The following VTI1A variants were observed in gnomAD, a reference collection of about 807,000 sequenced individuals.
The protein encoded by VTI1A is vesicle transport through interaction with t-SNAREs homolog 1A.
Under a neutral mutation model 34.9 loss-of-function variants are expected in VTI1A, and 22 were observed. The observed-to-expected ratio is 0.63, with a 90% CI of 0.45 to 0.90. VTI1A has a LOEUF of 0.90. Among genes scored for constraint, VTI1A ranks in the 40% least tolerant of loss-of-function variants. The pLI, the probability that VTI1A is intolerant of heterozygous loss-of-function variation, is 0.00. For missense variants in VTI1A, 268 were observed against 275.6 expected (o/e 0.97, Z 0.20); for synonymous variants, 87 against 97.3 (o/e 0.89, Z 0.62).
At chr10:112,655,140 C>A (rs1308115185) in intron 5 of VTI1A, among the ~76,000 whole-genome samples, 1 of 152,208 alleles carries the variant, frequency 6.6e-6, no homozygotes, top group Non-Finnish European at 1.5e-5. Flanking sequence ...CCCTCCACCC[C>A]CCATACACAC....
chr10:112,548,505 C>A, intron 5 of VTI1A: 1 of 557,448 alleles, frequency 1.8e-6, no homozygotes, highest in Non-Finnish European at 3.2e-6. Flanking sequence ...ATTCATTAAC[C>A]AGTCTTTTAC....
At chr10:112,542,118 A>G (rs1018435978) in intron 5 of VTI1A, among the ~76,000 whole-genome samples, 2 of 152,202 alleles carry the variant, frequency 1.3e-5, no homozygotes, top group Non-Finnish European at 2.9e-5. Context: ...TTCTGAAATG[A>G]TGATTCTTCT....
chr10:112,745,088 A>T (rs995086397), intron 7 of VTI1A, among the ~76,000 whole-genome samples: 3 of 152,222 alleles, frequency 2.0e-5, no homozygotes, highest in Non-Finnish European at 4.4e-5. Context: ...TAACTGATTG[A>T]CACATATGTA....
intron 3 of VTI1A, among the ~76,000 whole-genome samples, chr10:112,508,475 A>G (rs924498979): frequency 6.6e-6 from 1 of 152,090 alleles, no homozygotes; most frequent in Non-Finnish European, 1.5e-5. Flanking sequence ...TTTTTCATCC[A>G]TCTATTCTAT....
At chr10:112,702,877 C>T (rs553777314) in intron 7 of VTI1A, among the ~76,000 whole-genome samples, 5 of 152,282 alleles carry the variant, frequency 3.3e-5, no homozygotes, top group East Asian at 1.9e-4. Flanking sequence ...TGACCCACTG[C>T]GCCTGGCTCT....
At chr10:112,496,191 C>A (rs1249571316) in intron 3 of VTI1A, among the ~76,000 whole-genome samples, 1 of 114,180 alleles carries the variant, frequency 8.8e-6, no homozygotes, top group Non-Finnish European at 1.8e-5. Context: ...GGAGACCCCC[C>A]CCCCCCCCCC....
chr10:112,567,221 G>A (rs1331865129), intron 5 of VTI1A, among the ~76,000 whole-genome samples: 1 of 152,010 alleles, frequency 6.6e-6, no homozygotes, highest in Non-Finnish European at 1.5e-5. Flanking sequence ...GTAGAGACCA[G>A]TTCTCGCCAT....
the VTI1A span, among the ~76,000 whole-genome samples, chr10:112,852,919 C>T: frequency 2.6e-5 from 4 of 152,164 alleles, no homozygotes; most frequent in South Asian, 2.1e-4. Flanking sequence ...AGTGGGACTA[C>T]AGGCACACAC....
At chr10:112,464,403 A>C in intron 2 of VTI1A, 144 bp from the exon 3 acceptor site, 1 of 652,640 alleles carries the variant, frequency 1.5e-6, no homozygotes, top group South Asian at 2.0e-5. Flanking sequence ...AAGTAGTTTC[A>C]GTGTTATTTG....
intron 5 of VTI1A, among the ~76,000 whole-genome samples, chr10:112,626,739 C>T (rs1845938132): frequency 6.6e-6 from 1 of 152,164 alleles, no homozygotes; most frequent in African/African-American, 2.4e-5. Flanking sequence ...GTCCACTGCT[C>T]TTCAGGTACA....
At chr10:112,714,264 C>G (rs1224665051) in intron 7 of VTI1A, among the ~76,000 whole-genome samples, 1 of 152,064 alleles carries the variant, frequency 6.6e-6, no homozygotes, top group Non-Finnish European at 1.5e-5. Context: ...TAAAACAGTC[C>G]ACTGTTTTCC....
chr10:112,619,592 C>G (rs1312532673), intron 5 of VTI1A, among the ~76,000 whole-genome samples: 2 of 152,278 alleles, frequency 1.3e-5, no homozygotes, highest in Admixed American at 1.3e-4. Context: ...ATGTTTATTT[C>G]TTATTTCCAA....
At chr10:112,746,430 T>C (rs1281016551) in intron 7 of VTI1A, among the ~76,000 whole-genome samples, 2 of 152,180 alleles carry the variant, frequency 1.3e-5, no homozygotes, top group Admixed American at 1.3e-4. Context: ...GAAAAAAGCC[T>C]TTCTGTCTGA....
rs111800015 is a variant in VTI1A at position 112,736,667 on chromosome 10, T to C, written c.560+67669T>C. 13 of 1,550,324 alleles carry C rather than the reference T, an allele frequency of 8.4e-6. No individual in the cohort carries two copies. The African/African-American group carries it at 1.4e-4, about 16-fold the overall frequency. ...AAACAAGTATACAAACTAGTGCATT[T>C]AGCAATGAGGGATGGTGAGAAATGC... is the stretch of plus-strand genomic sequence containing the variant. On this transcript the variant is annotated intron_variant, in intron 7 of 7. Transcript: ENST00000393077.
intron 5 of VTI1A, among the ~76,000 whole-genome samples, chr10:112,638,438 T>G (rs953634641): frequency 6.6e-6 from 1 of 152,200 alleles, no homozygotes; most frequent in African/African-American, 2.4e-5. Flanking sequence ...CTGATCTTAT[T>G]ACACCCTAAA....
chr10:112,449,459 A>C (rs1847145780), intron 1 of VTI1A: 1 of 152,222 alleles, frequency 6.6e-6, no homozygotes, highest in South Asian at 2.1e-4. Flanking sequence ...TCAGTACCTT[A>C]AAAATAAAAC....
At chr10:112,529,438 A>C (rs1850350749) in intron 4 of VTI1A, among the ~76,000 whole-genome samples, 1 of 152,138 alleles carries the variant, frequency 6.6e-6, no homozygotes, top group Non-Finnish European at 1.5e-5. Context: ...TTCATTCAGA[A>C]TATGGAGTCA....
chr10:112,494,274 G>A (rs1478088020), intron 3 of VTI1A, among the ~76,000 whole-genome samples: 2 of 151,798 alleles, frequency 1.3e-5, no homozygotes. Context: ...TTTCTGTAGT[G>A]TCTGTAACAA....
At chr10:112,549,872 TC>T (rs970281265) in intron 5 of VTI1A, among the ~76,000 whole-genome samples, 3 of 152,214 alleles carry the variant, frequency 2.0e-5, no homozygotes, top group African/African-American at 7.2e-5. Flanking sequence ...GTGATTCTTT[TC>T]TGAAAAGAAT....
Sources: allele counts gnomAD v4.1 joint callset (sites outside exome capture counted in the v4.1 genomes callset), GRCh38; gene constraint gnomAD v4.1.1; transcripts MANE v1.5; gene names NCBI Gene and HGNC (gene_info 2026-07-23, HGNC 2026-07-21).